Variants in ZNF208 observed in about 807,000 individuals in gnomAD.
ZNF208 encodes zinc finger protein 208.
ZNF208 carries 10 observed loss-of-function variants against 12.1 expected under a neutral mutation model. The observed-to-expected ratio is 0.83, with a 90% CI of 0.51 to 1.40. The LOEUF is 1.40. ZNF208 is among the 40% of genes most tolerant of loss of function. ZNF208 has a pLI of 0.00. For synonymous variants in ZNF208, 497 were observed against 488.4 expected, an observed-to-expected ratio of 1.02 and a Z score of -0.23; for missense variants, 1,652 against 1,485.0, an observed-to-expected ratio of 1.11 and a Z score of -1.85.
At chr19:22,005,352 T>C (rs373757640) in intron 1 of ZNF208, among the ~76,000 whole-genome samples, 2 of 152,090 alleles carry the variant, frequency 1.3e-5, no homozygotes, top group African/African-American at 2.4e-5. Context: ...TGGGAGGAGA[T>C]CTGAAATCAA....
In ZNF208 at chr19:21,966,580, T is replaced by C. The variant is rs1599609454; in HGVS notation, c.*4611A>G. 1 of 152,136 alleles carries C rather than the reference T, an allele frequency of 6.6e-6. No individual in the cohort carries two copies. Among genetic ancestry groups the C allele is most frequent in the East Asian group, 1.9e-4 (1 of 5,196 alleles). 9.4% of individuals were successfully genotyped at this position (152,136 alleles called of 1,614,324 possible). A position where few individuals can be genotyped will look rare whatever the true frequency, so the allele number is the denominator to read the frequency against. ...TGCAATGAACATGTGAGTGCTGGTG[T>C]CTCTTTGGCAAAATTATTTATTCTT... On this transcript the variant is annotated 3_prime_UTR_variant, in exon 4 of 4. Transcript: ENST00000397126.
At chr19:21,977,990 TC>T (rs1460380511) in intron 3 of ZNF208, among the ~76,000 whole-genome samples, 1 of 152,066 alleles carries the variant, frequency 6.6e-6, no homozygotes, top group Non-Finnish European at 1.5e-5. Flanking sequence ...ATGGAGCCCA[TC>T]GCAGCTCAGC....
chr19:21,992,947 A>G (rs546538220), intron 1 of ZNF208, among the ~76,000 whole-genome samples: 1 of 152,122 alleles, frequency 6.6e-6, no homozygotes, highest in Admixed American at 6.5e-5. Flanking sequence ...AGAAAAGGCC[A>G]TTTTTTTCTC....
intron 3 of ZNF208, among the ~76,000 whole-genome samples, chr19:21,986,279 A>C (rs898503320): frequency 2.6e-5 from 4 of 152,206 alleles, no homozygotes; most frequent in Non-Finnish European, 4.4e-5. Context: ...AACCATAAAC[A>C]GTACATTAAA....
At chr19:21,945,693 G>A (rs1285779434) in intron 4 of ZNF208, among the ~76,000 whole-genome samples, 1 of 151,980 alleles carries the variant, frequency 6.6e-6, no homozygotes, top group African/African-American at 2.4e-5. Context: ...GATTTATATG[G>A]AAGTATATTG....
rs760259480 is a variant in ZNF208, at chr19:21,972,651, G to A, written c.2383C>T (p.His795Tyr). ...AFNRSAILIK[H>Y]KRIHTDEKPY... ...TTCTCATCAGTATGAATTCTCTTAT[G>A]TTTAATAAGGATTGCAGATCGGTTA... Residue 795 changes from histidine (H) to tyrosine (Y), a missense_variant, in exon 4 of 4, where the codon CAT (histidine) becomes TAT (tyrosine). By Grantham distance (83) the His-to-Tyr change is moderately conservative. Transcript: ENST00000397126. 7 of 1,612,970 alleles carry A rather than the reference G, an allele frequency of 4.3e-6. No individual in the cohort carries two copies. In the Admixed American group the frequency reaches 1.0e-4, roughly 23 times the overall value.
downstream of ZNF208, chr19:21,965,826 C>T (rs1970154175): frequency 6.6e-6 from 1 of 151,642 alleles, no homozygotes; most frequent in South Asian, 2.1e-4. Flanking sequence ...AATCCAATTA[C>T]ATTTTCCCCC....
At chr19:22,003,019 G>C (rs939070267) in intron 1 of ZNF208, among the ~76,000 whole-genome samples, 1 of 152,078 alleles carries the variant, frequency 6.6e-6, no homozygotes, top group Non-Finnish European at 1.5e-5. Context: ...CAATGCAACA[G>C]AATAGGGAGC....
At chr19:21,985,893 C>G (rs1232850842) in intron 3 of ZNF208, among the ~76,000 whole-genome samples, 1 of 152,194 alleles carries the variant, frequency 6.6e-6, no homozygotes, top group African/African-American at 2.4e-5. Context: ...GCAGACCTGA[C>G]TGCAGAAACC....
At chr19:22,003,206 G>T (rs1599633937) in intron 1 of ZNF208, among the ~76,000 whole-genome samples, 1 of 152,186 alleles carries the variant, frequency 6.6e-6, no homozygotes, top group East Asian at 1.9e-4. Context: ...AGACTTAAAT[G>T]TTAATCTTAA....
intron 4 of ZNF208, among the ~76,000 whole-genome samples, chr19:21,953,792 G>C (rs564115550): frequency 6.6e-6 from 1 of 151,400 alleles, no homozygotes; most frequent in Non-Finnish European, 1.5e-5. Flanking sequence ...ACAGCTCCTG[G>C]ATTAATTGAT....
chr19:22,007,194 G>T (rs1330338072), intron 1 of ZNF208, among the ~76,000 whole-genome samples: 1 of 151,950 alleles, frequency 6.6e-6, no homozygotes, highest in Non-Finnish European at 1.5e-5. Context: ...AAAGCTAGAT[G>T]GAATTCTATT....
chr19:21,941,245 A>G (rs1969735074), intron 4 of ZNF208: 1 of 398,998 alleles, frequency 2.5e-6, no homozygotes. Flanking sequence ...AGGACAAGAA[A>G]AATGAAAGTC....
chr19:22,000,771 A>C (rs1970930524), intron 1 of ZNF208, among the ~76,000 whole-genome samples: 1 of 152,170 alleles, frequency 6.6e-6, no homozygotes, highest in African/African-American at 2.4e-5. Context: ...ATCCAGGTAT[A>C]AAATCTATTT....
chr19:21,984,118 C>T (rs1437784225), intron 3 of ZNF208, among the ~76,000 whole-genome samples: 1 of 152,086 alleles, frequency 6.6e-6, no homozygotes, highest in Non-Finnish European at 1.5e-5. Flanking sequence ...TTCTGAATAG[C>T]TCATACAATA....
In ZNF208 at chr19:21,968,886, A is replaced by G. The variant is rs906809889; in HGVS notation, c.*2305T>C. On this transcript the variant is annotated 3_prime_UTR_variant, in exon 4 of 4. Coordinates refer to ENST00000397126, the MANE Select transcript of ZNF208 (RefSeq NM_007153.3). The stretch of plus-strand genomic sequence containing the variant: ...ACATTTTATACATTTTTGCTCTGCT[A>G]AAGACTTCTGTTATTAGGCCAGGCA... 3.3e-5 allele frequency among the ~76,000 whole-genome samples: 5 copies of G among 152,152 alleles called. No homozygotes were observed. The highest frequency in any genetic ancestry group is 4.8e-5 in the African/African-American group (2 of 41,444).
At chr19:21,978,021 A>T (rs1462063968) in intron 3 of ZNF208, among the ~76,000 whole-genome samples, 1 of 152,186 alleles carries the variant, frequency 6.6e-6, no homozygotes, top group Non-Finnish European at 1.5e-5. Context: ...CTGTATCTCA[A>T]GATGCCTCCT....
At chr19:21,989,034 A>T (rs1970677227) in intron 1 of ZNF208, 125 bp from the exon 2 acceptor site, 8 of 1,289,608 alleles carry the variant, frequency 6.2e-6, no homozygotes, top group Non-Finnish European at 8.5e-6. Flanking sequence ...AAATTATTCA[A>T]TAAAATAATT....
chr19:21,954,090 T>C (rs1969932865), intron 4 of ZNF208, among the ~76,000 whole-genome samples: 1 of 152,196 alleles, frequency 6.6e-6, no homozygotes, highest in South Asian at 2.1e-4. Flanking sequence ...ATTTCATTAT[T>C]TACCCAGTAG....
Sources: allele counts gnomAD v4.1 joint callset (sites outside exome capture counted in the v4.1 genomes callset), GRCh38; gene constraint gnomAD v4.1.1; transcripts MANE v1.5; gene names NCBI Gene and HGNC (gene_info 2026-07-23, HGNC 2026-07-21).